ACLY: variants seen among roughly 807,000 people sequenced by gnomAD.
ACLY encodes ATP-citrate synthase.
ACLY carries 41 observed loss-of-function variants against 133.0 expected under a neutral mutation model. That is an observed-to-expected ratio of 0.31 (90% CI 0.24 to 0.40). ACLY has a LOEUF of 0.40. Ranked by LOEUF, ACLY falls within the 10% of genes least tolerant of loss-of-function variation. The pLI is 1.00. For missense variants in ACLY, 1,046 were observed against 1,453.8 expected (o/e 0.72, Z 4.56); for synonymous variants, 495 against 549.3 (o/e 0.90, Z 1.38).
At chr17:41,906,155 T>C (rs1259793222) in intron 8 of ACLY, among the ~76,000 whole-genome samples, 1 of 152,158 alleles carries the variant, frequency 6.6e-6, no homozygotes, top group Non-Finnish European at 1.5e-5. Flanking sequence ...GCAAAGAGTA[T>C]AAATATTTAT....
upstream of ACLY, among the ~76,000 whole-genome samples, chr17:41,920,414 AC>A (rs574279219): frequency 9.5e-4 from 144 of 151,564 alleles, no homozygotes; most frequent in African/African-American, 3.4e-3. Context: ...ACAAGGCAAA[AC>A]CCCATCTCTA....
In ACLY at chr17:41,882,063, T is replaced by G. The variant is rs782051157; in HGVS notation, c.2265+1059A>C. On this transcript the variant is annotated intron_variant, in intron 20 of 28. Transcript: ENST00000352035. Reference sequence around the variant, plus strand: ...ATATGCCATGCTGACAGTCCCCTCCTGATAAGCATGTAAGTTGTTTCCAGG... The same window carrying G: ...ATATGCCATGCTGACAGTCCCCTCCGGATAAGCATGTAAGTTGTTTCCAGG... Among the ~76,000 whole-genome samples, 7 of 152,092 alleles carry G rather than the reference T, an allele frequency of 4.6e-5. No individual in the cohort carries two copies. In the East Asian group the frequency reaches 1.4e-3, roughly 29 times the overall value.
At chr17:41,877,145 CT>C (rs879951363) in intron 22 of ACLY, among the ~76,000 whole-genome samples, 126 of 144,754 alleles carry the variant, frequency 8.7e-4, no homozygotes, top group Middle Eastern at 3.6e-3. Flanking sequence ...TCTCTCTCTC[CT>C]TTTTTTTTTT....
At chr17:41,870,958 A>G (rs1555624933) in intron 25 of ACLY, among the ~76,000 whole-genome samples, 1 of 152,206 alleles carries the variant, frequency 6.6e-6, no homozygotes, top group East Asian at 1.9e-4. Flanking sequence ...GCAAACCCTC[A>G]GTGGATGTAG....
At chr17:41,929,844 T>G (rs1299892086) in intron 1 of ACLY, among the ~76,000 whole-genome samples, 1 of 151,710 alleles carries the variant, frequency 6.6e-6, no homozygotes, top group Non-Finnish European at 1.5e-5. Context: ...TACTCAAATA[T>G]CCCCAGTTTT....
At chr17:41,923,682 G>A (rs542984780), upstream of ACLY, among the ~76,000 whole-genome samples, 1 of 152,118 alleles carries the variant, frequency 6.6e-6, no homozygotes, top group Admixed American at 6.6e-5. Flanking sequence ...CTGTAAACAT[G>A]ACTAAAAAAA....
At position 41,910,205 on chromosome 17, in the gene ACLY, AG is replaced by A. The variant is rs1158100322; in HGVS notation, c.345+16del. On this transcript the variant is annotated intron_variant, in intron 4 of 28. Coordinates refer to ENST00000352035, the MANE Select transcript of ACLY (RefSeq NM_001096.3). ...CCAGGAGGGAGAAGACCCAGCCTGG[AG>A]CCGCCTCACACATACCTGACTGTGG... is the stretch of plus-strand genomic sequence containing the variant. 1 of 1,612,066 alleles carries A rather than the reference AG, an allele frequency of 6.2e-7. No individual in the cohort carries two copies. Among genetic ancestry groups the A allele is most frequent in the Non-Finnish European group, 8.5e-7 (1 of 1,179,026 alleles).
rs868971964 is a variant in ACLY, at chr17:41,879,058, A to G, written c.2266-134T>C. ...AGCAAGCTCACTGAATAGGTACAAT[A>G]GATGATTTCCATTTTACAGACAAGG... is the stretch of plus-strand genomic sequence containing the variant. On this transcript the variant is annotated intron_variant, in intron 20 of 28. Coordinates refer to ENST00000352035, the MANE Select transcript of ACLY (RefSeq NM_001096.3). 3 of 1,092,420 alleles carry G rather than the reference A, an allele frequency of 2.7e-6. No individual in the cohort carries two copies. The Middle Eastern group carries it at 6.2e-4, about 226-fold the overall frequency. The allele number at this position is 1,092,420 out of a possible 1,614,324, so 67.7% of individuals were successfully genotyped here. A position where few individuals can be genotyped will look rare whatever the true frequency, so the allele number is the denominator to read the frequency against.
intron 7 of ACLY, among the ~76,000 whole-genome samples, 154 bp downstream of exon 7, chr17:41,907,288 C>A (rs1384597725): frequency 1.3e-5 from 2 of 151,502 alleles, no homozygotes; most frequent in African/African-American, 2.4e-5. Flanking sequence ...CCCACCCCCA[C>A]CCCATTGAGG....
chr17:41,908,722 C>T (rs1555633089), intron 6 of ACLY, among the ~76,000 whole-genome samples: 1 of 152,194 alleles, frequency 6.6e-6, no homozygotes, highest in African/African-American at 2.4e-5. Context: ...TGAGATTGTG[C>T]CACTGTACTC....
At chr17:41,926,846 A>G (rs2050249625) in intron 1 of ACLY, among the ~76,000 whole-genome samples, 1 of 151,940 alleles carries the variant, frequency 6.6e-6, no homozygotes, top group Non-Finnish European at 1.5e-5. Flanking sequence ...TAAACTGCAC[A>G]TAAAGTGTAC....
Position 41,884,228 on chromosome 17 carries a change from T to C in ACLY, c.2119A>G (p.Thr707Ala). 6.2e-7 allele frequency: 1 copy of C among 1,612,566 alleles called. No homozygotes were observed. Among genetic ancestry groups the C allele is most frequent in the Non-Finnish European group, 8.5e-7 (1 of 1,178,714 alleles). Residue 707 changes from threonine to alanine, a missense_variant, in exon 19 of 29, where the codon ACT becomes GCT. Physicochemically the swap from Thr to Ala is moderately conservative, Grantham distance 58. Transcript: ENST00000352035. ...FMDHVLRYQD[T>A]PGVKMIVVLG... is the part of the protein sequence containing the mutation. ...ACCACAATCATTTTGACTCCTGGAG[T>C]GTCCTGATAGCGTAACACATGATCC...
At chr17:41,907,303 A>G (rs1375852549) in intron 7 of ACLY, 139 bp downstream of exon 7, 2 of 280,118 alleles carry the variant, frequency 7.1e-6, no homozygotes, top group Non-Finnish European at 1.2e-5. Flanking sequence ...TTGAGGTTTT[A>G]AGAAAATTAA....
At chr17:41,906,736 C>T in intron 7 of ACLY, 90 bp from the exon 8 acceptor site, 1 of 1,223,274 alleles carries the variant, frequency 8.2e-7, no homozygotes, top group Non-Finnish European at 1.2e-6. Flanking sequence ...TCCCTGGAAG[C>T]ACATGAAAAG....
chr17:41,887,612 A>G lies in ACLY; in HGVS notation c.1862T>C (p.Ile621Thr), dbSNP rs2049089794. ...KKADQKGVTI[I>T]GPATVGGIKP... ...GGGGAAGCTCACAGTGGCAGGTCCG[A>G]TGATGGTCACTCCCTTCTGGTCCGC... is the stretch of plus-strand genomic sequence containing the variant. Residue 621 changes from isoleucine to threonine, a missense_variant, in exon 17 of 29, where the codon ATC (isoleucine) becomes ACC (threonine). Coordinates refer to ENST00000352035, the MANE Select transcript of ACLY (RefSeq NM_001096.3). 3 of 1,613,684 alleles carry G rather than the reference A, an allele frequency of 1.9e-6. No individual in the cohort carries two copies. The African/African-American group carries it at 4.0e-5, about 22-fold the overall frequency.
intron 9 of ACLY, 101 bp from the exon 10 acceptor site, chr17:41,904,891 G>A (rs1046281392): frequency 6.4e-5 from 75 of 1,164,184 alleles, no homozygotes; most frequent in Non-Finnish European, 8.0e-5. Flanking sequence ...CTGAATGAGG[G>A]TCCCCCATCT....
upstream of ACLY, chr17:41,919,052 G>A: frequency 7.8e-7 from 1 of 1,279,694 alleles, no homozygotes; most frequent in African/African-American, 1.5e-5. Context: ...TTGGCCACAC[G>A]CGTTCCCTAG....
At chr17:41,921,875 G>A (rs1249936858), upstream of ACLY, among the ~76,000 whole-genome samples, 2 of 152,152 alleles carry the variant, frequency 1.3e-5, no homozygotes, top group African/African-American at 4.8e-5. Context: ...AGAGGTGGGA[G>A]AATCACTTGA....
Position 41,909,427 on chromosome 17 carries a change from G to A in ACLY, c.536+83C>T, listed in dbSNP as rs535075027. 178 of 1,463,178 alleles carry A rather than the reference G, an allele frequency of 1.2e-4. 2 individuals are homozygous for A. In the African/African-American group the frequency reaches 1.3e-3, roughly 11 times the overall value. The allele number at this position is 1,463,178 out of a possible 1,614,324, so 90.6% of individuals were successfully genotyped here. A position where few individuals can be genotyped will look rare whatever the true frequency, so the allele number is the denominator to read the frequency against. ...CCACCTGGCTCCCAGAGAGGAGACC[G>A]CTCTGCTCTCCCCAGTCTGTGCCCA... On this transcript the variant is annotated intron_variant, in intron 5 of 28. Transcript: ENST00000352035.
Sources: gnomAD v4.1 joint callset for allele counts (sites outside exome capture counted in the v4.1 genomes callset) on GRCh38, gnomAD v4.1.1 for gene constraint, MANE v1.5 for transcripts, NCBI Gene and HGNC (gene_info 2026-07-23, HGNC 2026-07-21) for gene names.